Variants in CSGALNACT1 observed in about 807,000 individuals in gnomAD.
The protein encoded by CSGALNACT1 is chondroitin sulfate N-acetylgalactosaminyltransferase 1, also known as beta4GalNAcT-1.
A neutral mutation model predicts 51.0 loss-of-function variants in CSGALNACT1; 52 were observed. The ratio of observed to expected loss-of-function variants is 1.02; its 90% CI spans 0.82 to 1.29. CSGALNACT1 has a LOEUF of 1.29. Among genes scored for constraint, CSGALNACT1 ranks in the 50% most tolerant of loss-of-function variants. CSGALNACT1 has a pLI of 0.00. For synonymous variants in CSGALNACT1, 341 were observed against 254.4 expected (o/e 1.34, Z -3.24); for missense variants, 935 against 679.2 (o/e 1.38, Z -4.19).
At chr8:19,608,004 T>C (rs1255750613) in intron 1 of CSGALNACT1, among the ~76,000 whole-genome samples, 1 of 152,198 alleles carries the variant, frequency 6.6e-6, no homozygotes, top group African/African-American at 2.4e-5. Flanking sequence ...ATGCTTAAAG[T>C]TGTAGACTTC....
chr8:19,669,521 C>T (rs1334991452), intron 1 of CSGALNACT1, among the ~76,000 whole-genome samples: 1 of 152,194 alleles, frequency 6.6e-6, no homozygotes, highest in East Asian at 1.9e-4. Flanking sequence ...GCACGACCTT[C>T]CTTCACTGCA....
intron 1 of CSGALNACT1, among the ~76,000 whole-genome samples, chr8:19,688,517 T>C (rs1388299864): frequency 1.3e-5 from 2 of 152,216 alleles, no homozygotes; most frequent in African/African-American, 2.4e-5. Context: ...CCATTGTATA[T>C]GTGCTGTGCC....
chr8:19,466,476 G>A (rs910798110), intron 4 of CSGALNACT1, among the ~76,000 whole-genome samples: 1 of 152,096 alleles, frequency 6.6e-6, no homozygotes, highest in African/African-American at 2.4e-5. Flanking sequence ...AAAGGAACCG[G>A]TAAATGCTTA....
intron 4 of CSGALNACT1, among the ~76,000 whole-genome samples, chr8:19,479,178 G>C (rs1225884155): frequency 1.3e-5 from 2 of 152,232 alleles, no homozygotes; most frequent in African/African-American, 4.8e-5. Flanking sequence ...GTAACTTGTG[G>C]AAAAGTTGTC....
At chr8:19,421,780 T>G (rs1474964524) in intron 6 of CSGALNACT1, among the ~76,000 whole-genome samples, 4 of 152,222 alleles carry the variant, frequency 2.6e-5, no homozygotes, top group Non-Finnish European at 5.9e-5. Flanking sequence ...CTCATCTTCT[T>G]CTTTTGGATC....
intron 5 of CSGALNACT1, among the ~76,000 whole-genome samples, chr8:19,449,005 T>C (rs988589024): frequency 2.6e-5 from 4 of 152,276 alleles, no homozygotes; most frequent in Non-Finnish European, 5.9e-5. Flanking sequence ...TCCCCTCCCC[T>C]GTGTCGAGAT....
intron 3 of CSGALNACT1, among the ~76,000 whole-genome samples, chr8:19,528,461 A>G (rs7005625): frequency 0.19 from 28,563 of 152,120 alleles, 2,829 homozygotes; most frequent in African/African-American, 0.21. Flanking sequence ...AACAAGGTCA[A>G]CATGTCACCC....
At chr8:19,526,448 T>C (rs995684648) in intron 3 of CSGALNACT1, among the ~76,000 whole-genome samples, 4 of 152,132 alleles carry the variant, frequency 2.6e-5, no homozygotes, top group Non-Finnish European at 5.9e-5. Context: ...CTGGGCATGG[T>C]GGTACGCGCC....
chr8:19,488,247 G>T (rs980637421), intron 4 of CSGALNACT1, among the ~76,000 whole-genome samples: 1 of 151,636 alleles, frequency 6.6e-6, no homozygotes, highest in Admixed American at 6.6e-5. Context: ...TTACTCCGGA[G>T]GCTGAGGCAG....
At chr8:19,680,567 C>A (rs1323334827) in intron 1 of CSGALNACT1, among the ~76,000 whole-genome samples, 5 of 38,508 alleles carry the variant, frequency 1.3e-4, no homozygotes, top group Admixed American at 2.8e-4. Context: ...TCGCCCCACC[C>A]CCCCCCCCCC....
intron 3 of CSGALNACT1, among the ~76,000 whole-genome samples, chr8:19,517,204 G>A (rs1429257291): frequency 1.3e-5 from 2 of 152,176 alleles, no homozygotes; most frequent in Non-Finnish European, 2.9e-5. Flanking sequence ...TTGGGAGGCC[G>A]AGGTGGGAAG....
At chr8:19,519,710 A>G (rs58021155) in intron 3 of CSGALNACT1, among the ~76,000 whole-genome samples, 1,769 of 152,308 alleles carry the variant, frequency 0.012, 37 homozygotes, top group African/African-American at 0.04. Flanking sequence ...TTTGGTGCCA[A>G]AAGTGACAAA....
intron 1 of CSGALNACT1, among the ~76,000 whole-genome samples, chr8:19,702,336 G>T (rs775177576): frequency 6.6e-6 from 1 of 151,962 alleles, no homozygotes; most frequent in Non-Finnish European, 1.5e-5. Context: ...AACATAGTGA[G>T]ACCTCATCTC....
intron 3 of CSGALNACT1, among the ~76,000 whole-genome samples, chr8:19,550,070 T>A (rs2087583377): frequency 6.6e-6 from 1 of 152,224 alleles, no homozygotes; most frequent in Admixed American, 6.5e-5. Context: ...CACATGGAAA[T>A]TCATATTTTT....
At chr8:19,728,844 G>A (rs569019792) in intron 1 of CSGALNACT1, among the ~76,000 whole-genome samples, 56 of 152,152 alleles carry the variant, frequency 3.7e-4, no homozygotes, top group African/African-American at 1.1e-3. Context: ...CCCAAAAGGC[G>A]TAACTCACCC....
At chr8:19,565,454 A>G (rs1564074173) in intron 3 of CSGALNACT1, among the ~76,000 whole-genome samples, 1 of 152,238 alleles carries the variant, frequency 6.6e-6, no homozygotes, top group Admixed American at 6.5e-5. Context: ...TATATTTATG[A>G]CATTCATTCA....
intron 6 of CSGALNACT1, among the ~76,000 whole-genome samples, chr8:19,439,435 T>C (rs925547656): frequency 2.6e-5 from 4 of 152,358 alleles, no homozygotes; most frequent in Admixed American, 2.6e-4. Context: ...TCTTAGGCTC[T>C]GAAGCTGTGG....
chr8:19,524,114 C>T (rs1327244357), intron 3 of CSGALNACT1, among the ~76,000 whole-genome samples: 3 of 152,108 alleles, frequency 2.0e-5, no homozygotes, highest in African/African-American at 7.2e-5. Context: ...GGCAACACAG[C>T]AAGACCCCAT....
chr8:19,459,695 T>G (rs1277103370), intron 4 of CSGALNACT1, among the ~76,000 whole-genome samples: 1 of 152,194 alleles, frequency 6.6e-6, no homozygotes. Flanking sequence ...GAAAAATTAC[T>G]TCATGCTCCT....
Sources: allele counts gnomAD v4.1 joint callset (sites outside exome capture counted in the v4.1 genomes callset), GRCh38; gene constraint gnomAD v4.1.1; transcripts MANE v1.5; gene names NCBI Gene and HGNC (gene_info 2026-07-23, HGNC 2026-07-21).